Variants in ST13 observed in about 807,000 individuals in gnomAD.
ST13 encodes the protein hsc70-interacting protein.
ST13 carries 23 observed loss-of-function variants against 56.7 expected under a neutral mutation model. The ratio of observed to expected loss-of-function variants is 0.41; its 90% CI spans 0.29 to 0.57. ST13 has a LOEUF of 0.57. ST13 is among the 20% of genes least tolerant of loss of function. The probability of loss-of-function intolerance (pLI) is 0.36; values close to 1 mark genes in which losing one functional copy is unlikely to be tolerated. For missense variants in ST13, 369 were observed against 459.9 expected (o/e 0.80, Z 1.81); for synonymous variants, 132 against 142.4 (o/e 0.93, Z 0.52).
chr22:40,840,238 AACATGCTCTG>A (rs1156771116), intron 5 of ST13, among the ~76,000 whole-genome samples: 1 of 152,214 alleles, frequency 6.6e-6, no homozygotes, highest in Non-Finnish European at 1.5e-5. Context: ...AAGAGAATCT[AACATGCTCTG>A]ACTAGGACGA....
chr22:40,854,130 C>T (rs5751002), intron 1 of ST13, among the ~76,000 whole-genome samples: 5 of 152,130 alleles, frequency 3.3e-5, no homozygotes, highest in African/African-American at 1.2e-4. Context: ...GTGAGAAACA[C>T]ATGTTTTCAA....
At chr22:40,835,195 T>C (rs1228675606) in intron 7 of ST13, among the ~76,000 whole-genome samples, 1 of 152,204 alleles carries the variant, frequency 6.6e-6, no homozygotes, top group Non-Finnish European at 1.5e-5. Context: ...AAGAGAAAAT[T>C]TGTAAGGACA....
intron 1 of ST13, among the ~76,000 whole-genome samples, chr22:40,855,616 T>C (rs888926188): frequency 1.3e-5 from 2 of 152,232 alleles, no homozygotes; most frequent in African/African-American, 4.8e-5. Context: ...CCTGTCACTT[T>C]TTCTCTTCGG....
At chr22:40,844,779 G>T in intron 4 of ST13, 60 bp downstream of exon 4, 1 of 1,363,568 alleles carries the variant, frequency 7.3e-7, no homozygotes, top group Non-Finnish European at 1.0e-6. Context: ...TAAAATCATT[G>T]CAACAGCAGG....
intron 8 of ST13, chr22:40,831,953 A>C (rs1481882412): frequency 4.1e-6 from 1 of 241,620 alleles, no homozygotes; most frequent in African/African-American, 2.3e-5. Flanking sequence ...CCCAGGTTCA[A>C]GTGATTCTCC....
intron 3 of ST13, among the ~76,000 whole-genome samples, chr22:40,845,701 G>C (rs1333677692): frequency 6.6e-6 from 1 of 151,366 alleles, no homozygotes; most frequent in Non-Finnish European, 1.5e-5. Flanking sequence ...GTAATTTGTT[G>C]CAAGTGGAAA....
Position 40,835,556 on chromosome 22 carries a change from T to C in ST13, c.578+4A>G, listed in dbSNP as rs764757405. ...TCTGAAAATAATTAAATTCAATTATTTACCTGTGTGCTTTCCCCCGCCACT... is the reference window on the plus strand; with the variant it reads ...TCTGAAAATAATTAAATTCAATTATCTACCTGTGTGCTTTCCCCCGCCACT... On this transcript the variant is annotated splice_donor_region_variant and intron_variant, in intron 7 of 11. Transcript: ENST00000216218. 17 of 1,600,420 alleles carry C rather than the reference T, an allele frequency of 1.1e-5. No homozygotes were observed. Among genetic ancestry groups the C allele is most frequent in the Non-Finnish European group, 1.5e-5 (17 of 1,169,440 alleles).
intron 7 of ST13, among the ~76,000 whole-genome samples, chr22:40,833,549 AG>A (rs2057763691): frequency 7.3e-6 from 1 of 137,922 alleles, no homozygotes; most frequent in Non-Finnish European, 1.5e-5. Context: ...TGGGTGACAG[AG>A]GAAGACTCCA....
At chr22:40,838,405 A>G (rs2057787456) in intron 5 of ST13, among the ~76,000 whole-genome samples, 4 of 152,162 alleles carry the variant, frequency 2.6e-5, no homozygotes. Flanking sequence ...AAAAGTGAGA[A>G]AACAAAAACA....
chr22:40,835,349 C>T (rs1407595932), intron 7 of ST13: 8 of 409,536 alleles, frequency 2.0e-5, no homozygotes, highest in South Asian at 5.7e-5. Flanking sequence ...TTCTTCCTTC[C>T]TATATTCTCA....
At chr22:40,841,726 TG>T (rs2057805448) in intron 4 of ST13, among the ~76,000 whole-genome samples, 1 of 151,832 alleles carries the variant, frequency 6.6e-6, no homozygotes, top group Non-Finnish European at 1.5e-5. Flanking sequence ...CAAGTGTAGC[TG>T]GAACTACATG....
intron 8 of ST13, chr22:40,832,326 A>G (rs935070158): frequency 1.3e-5 from 7 of 521,214 alleles, no homozygotes; most frequent in African/African-American, 1.2e-4. Context: ...TTTTCTGGTT[A>G]TAATTCCACT....
At chr22:40,827,363 A>C (rs1985482586) in intron 10 of ST13, 134 bp from the exon 11 acceptor site, 1 of 804,828 alleles carries the variant, frequency 1.2e-6, no homozygotes, top group African/African-American at 1.7e-5. Flanking sequence ...TGAAAATTCT[A>C]ACCAGACTGC....
chr22:40,843,595 TACAGCAATTATA>T (rs1010494630), intron 4 of ST13, among the ~76,000 whole-genome samples: 4 of 152,178 alleles, frequency 2.6e-5, no homozygotes, highest in Non-Finnish European at 4.4e-5. Context: ...AGCAATGCAC[TACAGCAATTATA>T]ACCTCAAAGT....
chr22:40,835,972 T>C, intron 5 of ST13, 85 bp from the exon 6 acceptor site: 1 of 1,059,820 alleles, frequency 9.4e-7, no homozygotes, highest in South Asian at 1.5e-5. Flanking sequence ...AGTTAAGTCT[T>C]TTACATTTTT....
chr22:40,831,342 A>G (rs565813765), intron 8 of ST13, among the ~76,000 whole-genome samples: 1 of 152,336 alleles, frequency 6.6e-6, no homozygotes, highest in East Asian at 1.9e-4. Context: ...TGCCGTGGGA[A>G]GGCAGAGACT....
At chr22:40,840,021 G>A (rs1338648624) in intron 5 of ST13, among the ~76,000 whole-genome samples, 2 of 148,686 alleles carry the variant, frequency 1.3e-5, no homozygotes, top group Non-Finnish European at 3.0e-5. Context: ...ATGGTGGTAC[G>A]CGCTTGTAAT....
intron 2 of ST13, among the ~76,000 whole-genome samples, chr22:40,849,102 A>G (rs1490797036): frequency 6.6e-6 from 1 of 152,198 alleles, no homozygotes; most frequent in Non-Finnish European, 1.5e-5. Flanking sequence ...TGTAAATTAT[A>G]TACCATTATC....
At chr22:40,845,880 T>C (rs1425604865) in intron 3 of ST13, among the ~76,000 whole-genome samples, 1 of 152,178 alleles carries the variant, frequency 6.6e-6, no homozygotes, top group Admixed American at 6.5e-5. Context: ...GACGCATGAC[T>C]GACAAACTAT....
Sources: allele counts gnomAD v4.1 joint callset (sites outside exome capture counted in the v4.1 genomes callset), GRCh38; gene constraint gnomAD v4.1.1; transcripts MANE v1.5; gene names NCBI Gene and HGNC (gene_info 2026-07-23, HGNC 2026-07-21).